Variants in BCKDHB observed in about 807,000 individuals in gnomAD.
BCKDHB encodes the protein branched chain keto acid dehydrogenase E1 subunit beta, also known as 2-oxoisovalerate dehydrogenase subunit beta, mitochondrial.
BCKDHB carries 41 observed loss-of-function variants against 48.5 expected under a neutral mutation model. The ratio of observed to expected loss-of-function variants is 0.85; its 90% CI spans 0.66 to 1.10. The LOEUF is 1.10. Ranked by LOEUF, BCKDHB falls within the 50% of genes least tolerant of loss-of-function variation. The pLI is 0.00. For synonymous variants in BCKDHB, 201 were observed against 174.8 expected (o/e 1.15, Z -1.18); for missense variants, 496 against 494.2 (o/e 1.00, Z -0.03).
intron 3 of BCKDHB, among the ~76,000 whole-genome samples, chr6:80,166,549 G>A (rs192072668): frequency 6.9e-4 from 104 of 150,720 alleles, no homozygotes; most frequent in African/African-American, 2.4e-3. Context: ...CCAGCTACTC[G>A]GGTGGCTGAG....
intron 8 of BCKDHB, among the ~76,000 whole-genome samples, chr6:80,246,294 G>GGTCGTGTCC (rs1776609768): frequency 1.3e-5 from 2 of 152,314 alleles, no homozygotes; most frequent in Non-Finnish European, 2.9e-5. Flanking sequence ...TGTCCATCCA[G>GGTCGTGTCC]TCTGTGGTCC....
chr6:80,331,359 G>C (rs1769306860), intron 9 of BCKDHB, among the ~76,000 whole-genome samples: 1 of 152,122 alleles, frequency 6.6e-6, no homozygotes. Context: ...TATTTCTTCA[G>C]GGATGACATT....
At chr6:80,297,119 A>G (rs1026698501) in intron 9 of BCKDHB, among the ~76,000 whole-genome samples, 1 of 152,170 alleles carries the variant, frequency 6.6e-6, no homozygotes, top group Admixed American at 6.5e-5. Context: ...CAGCATAGCA[A>G]GGGGGCATGG....
intron 8 of BCKDHB, among the ~76,000 whole-genome samples, chr6:80,253,135 G>A (rs1195239365): frequency 1.3e-5 from 2 of 152,184 alleles, no homozygotes; most frequent in African/African-American, 4.8e-5. Context: ...GTAGAGCTGT[G>A]CCAAGACAGG....
the BCKDHB span, among the ~76,000 whole-genome samples, chr6:80,446,057 G>A: frequency 6.6e-6 from 1 of 152,124 alleles, no homozygotes; most frequent in African/African-American, 2.4e-5. Flanking sequence ...AGATTTGTTT[G>A]GAAAAATGGA....
chr6:80,248,745 A>C (rs1201721496), intron 8 of BCKDHB, among the ~76,000 whole-genome samples: 1 of 152,188 alleles, frequency 6.6e-6, no homozygotes, highest in Non-Finnish European at 1.5e-5. Context: ...TCTCACTCCA[A>C]GTGGCAGATC....
intron 9 of BCKDHB, among the ~76,000 whole-genome samples, chr6:80,308,567 A>G (rs564816936): frequency 5.9e-5 from 9 of 151,732 alleles, no homozygotes; most frequent in African/African-American, 2.2e-4. Context: ...AAAAAACCCA[A>G]CACAGGTAGA....
intron 8 of BCKDHB, among the ~76,000 whole-genome samples, chr6:80,262,020 G>C (rs1582461797): frequency 6.6e-6 from 1 of 152,264 alleles, no homozygotes; most frequent in Non-Finnish European, 1.5e-5. Flanking sequence ...TCCACCCAAA[G>C]GGTAGAGCGT....
At chr6:80,368,650 A>G in the BCKDHB span, among the ~76,000 whole-genome samples, 11 of 152,102 alleles carry the variant, frequency 7.2e-5, no homozygotes, top group Non-Finnish European at 1.5e-4. Context: ...TTTGCTTTTC[A>G]GTTATTCCCA....
chr6:80,451,970 T>C, the BCKDHB span, among the ~76,000 whole-genome samples: 14 of 152,164 alleles, frequency 9.2e-5, no homozygotes, highest in African/African-American at 2.9e-4. Flanking sequence ...TCTCAGTGAA[T>C]TGAAACAAAC....
chr6:80,272,751 C>T (rs1777801088), intron 8 of BCKDHB, among the ~76,000 whole-genome samples: 1 of 151,844 alleles, frequency 6.6e-6, no homozygotes, highest in Admixed American at 6.6e-5. Context: ...TATTTATGTG[C>T]AAACAAATGA....
chr6:80,398,794 CA>C, the BCKDHB span, among the ~76,000 whole-genome samples: 2 of 151,272 alleles, frequency 1.3e-5, no homozygotes, highest in African/African-American at 2.4e-5. Flanking sequence ...AAAACAACAG[CA>C]AAAAAACTTC....
rs1319152230 is a variant in BCKDHB, at chr6:80,168,974, G to T, written c.577G>T (p.Ala193Ser). Residue 193 changes from alanine to serine, a missense_variant, in exon 5 of 10, where the codon GCT becomes TCT. Ala to Ser is a moderately conservative substitution (Grantham distance 99). Transcript: ENST00000320393. Reference protein sequence around the residue: ...RSPWGCVGHGALYHSQSPEAF... With the variant: ...RSPWGCVGHGSLYHSQSPEAF... ...CCCTTGGGGCTGTGTTGGTCATGGG[G>T]CTCTCTATCATTCTCAGAGTCCTGA... 1.2e-6 allele frequency: 2 copies of T among 1,614,162 alleles called. No individual in the cohort carries two copies. The highest frequency in any genetic ancestry group is 2.2e-5 in the South Asian group (2 of 91,080).
the BCKDHB span, among the ~76,000 whole-genome samples, chr6:80,423,071 G>A: frequency 5.9e-5 from 9 of 152,292 alleles, no homozygotes; most frequent in African/African-American, 2.2e-4. Flanking sequence ...CATGTCGAGG[G>A]AGAGACCTGG....
At chr6:80,123,956 G>C (rs1272490799) in intron 1 of BCKDHB, among the ~76,000 whole-genome samples, 1 of 151,888 alleles carries the variant, frequency 6.6e-6, no homozygotes, top group Non-Finnish European at 1.5e-5. Context: ...ATTTGCTCTT[G>C]CTTCTCTAGT....
intron 6 of BCKDHB, among the ~76,000 whole-genome samples, chr6:80,187,898 C>T (rs1267924805): frequency 6.6e-6 from 1 of 152,086 alleles, no homozygotes; most frequent in Non-Finnish European, 1.5e-5. Flanking sequence ...ACTGGTTTAG[C>T]CATTGTGGAA....
the BCKDHB span, among the ~76,000 whole-genome samples, chr6:80,353,077 G>A: frequency 1.3e-5 from 2 of 152,006 alleles, no homozygotes; most frequent in Non-Finnish European, 2.9e-5. Context: ...TCCTCTCTGA[G>A]TCTCCATTCT....
chr6:80,413,346 A>G, the BCKDHB span, among the ~76,000 whole-genome samples: 2 of 152,158 alleles, frequency 1.3e-5, no homozygotes. Context: ...GGTTTGTTAT[A>G]TAGGTAAACT....
intron 9 of BCKDHB, chr6:80,308,029 G>T (rs1199191369): frequency 1.9e-6 from 1 of 535,502 alleles, no homozygotes; most frequent in Non-Finnish European, 2.4e-6. Context: ...GACCTTGGAA[G>T]AGCTGATAGT....
Sources: gnomAD v4.1 joint callset for allele counts (sites outside exome capture counted in the v4.1 genomes callset) on GRCh38, gnomAD v4.1.1 for gene constraint, MANE v1.5 for transcripts, NCBI Gene and HGNC (gene_info 2026-07-23, HGNC 2026-07-21) for gene names.